Variants in DENND1B observed in about 807,000 individuals in gnomAD.
DENND1B encodes the protein DENN domain containing 1B.
DENND1B carries 59 observed loss-of-function variants against 90.1 expected under a neutral mutation model. The observed-to-expected ratio is 0.65, with a 90% CI of 0.53 to 0.81. DENND1B has a LOEUF of 0.81. DENND1B is among the 40% of genes least tolerant of loss of function. DENND1B has a pLI of 0.00. For missense variants in DENND1B, 862 were observed against 912.6 expected (o/e 0.94, Z 0.71); for synonymous variants, 337 against 324.6 (o/e 1.04, Z -0.41).
chr1:197,515,193 G>T (rs1377932378), intron 20 of DENND1B, among the ~76,000 whole-genome samples: 3 of 151,712 alleles, frequency 2.0e-5, no homozygotes, highest in Non-Finnish European at 3.0e-5. Flanking sequence ...AGGAAGGAAT[G>T]AGTAGTAAAA....
chr1:197,775,146 T>C lies in DENND1B; in HGVS notation c.10A>G (p.Arg4Gly). Residue 4 changes from arginine to glycine, a missense_variant, in exon 1 of 23, where the codon AGG (arginine) becomes GGG (glycine). Transcript: ENST00000620048. Reference protein sequence around the residue: MDCRTKANPDRTFD... With the variant: MDCGTKANPDRTFD... The stretch of plus-strand genomic sequence containing the variant: ...CCGGGCCCCCCCACTCACTTGGTCC[T>C]GCAGTCCATGGTTACATGTCGGTGT... 1 of 1,305,610 alleles carries C rather than the reference T, an allele frequency of 7.7e-7. No individual in the cohort carries two copies. The highest frequency in any genetic ancestry group is 9.8e-7 in the Non-Finnish European group (1 of 1,018,044). The allele number at this position is 1,305,610 out of a possible 1,614,324, so 80.9% of individuals were successfully genotyped here.
At position 197,753,124 on chromosome 1, in the gene DENND1B, AAAAGATAAATGTTAAATT is replaced by A. The variant is rs778137780; in HGVS notation, c.82+19726_82+19743del. Among the ~76,000 whole-genome samples the A allele has an allele frequency of 4.2e-3, 645 of 152,222 alleles. 8 individuals carry two copies. Among genetic ancestry groups the A allele is most frequent in the African/African-American group, 0.015 (619 of 41,446 alleles). On this transcript the variant is annotated intron_variant, in intron 2 of 22. Coordinates refer to ENST00000620048, the MANE Select transcript of DENND1B (RefSeq NM_001195215.2). ...TGAATAAAGAACATAAAACAAAATTAAAAGATAAATGTTAAATTGGAAAAATATCAATATGCGATAAAT... is the reference window on the plus strand; with the variant it reads ...TGAATAAAGAACATAAAACAAAATTAGGAAAAATATCAATATGCGATAAAT...
At position 197,746,855 on chromosome 1, in the gene DENND1B, T is replaced by C. The variant is rs1223153504; in HGVS notation, c.82+26013A>G. 1.9e-5 allele frequency: 31 copies of C among 1,611,952 alleles called. No homozygotes were observed. The Admixed American group carries it at 5.2e-4, about 27-fold the overall frequency. On this transcript the variant is annotated intron_variant, in intron 2 of 22. Coordinates refer to ENST00000620048, the MANE Select transcript of DENND1B (RefSeq NM_001195215.2). ...AGCCTGTGAATTTTCAACCTCCTTT[T>C]TGGCTTTTACAAAGTTGTGGCAGGC...
intron 20 of DENND1B, among the ~76,000 whole-genome samples, chr1:197,536,322 A>G (rs138761600): frequency 1.1e-3 from 160 of 152,288 alleles, no homozygotes; most frequent in African/African-American, 3.8e-3. Context: ...TATCCTTATA[A>G]TAAATGGCTT....
chr1:197,653,101 T>C (rs1410966813), intron 6 of DENND1B, among the ~76,000 whole-genome samples: 2 of 151,996 alleles, frequency 1.3e-5, no homozygotes, highest in Admixed American at 1.3e-4. Flanking sequence ...TCTTATGCCT[T>C]GTCTATCCAC....
chr1:197,747,177 G>A lies in DENND1B; in HGVS notation c.82+25691C>T, dbSNP rs147776864. ...TTTTCCCTCTGAATCTTGAGGTTGCGTTTTTCTGTTCAGAATGTTTTTTAT... is the reference window on the plus strand; with the variant it reads ...TTTTCCCTCTGAATCTTGAGGTTGCATTTTTCTGTTCAGAATGTTTTTTAT... On this transcript the variant is annotated intron_variant, in intron 2 of 22. Coordinates refer to ENST00000620048, the MANE Select transcript of DENND1B (RefSeq NM_001195215.2). 7.3e-4 allele frequency: 543 copies of A among 745,264 alleles called. 2 individuals carry two copies. In the African/African-American group the frequency reaches 7.8e-3, roughly 11 times the overall value. 46.2% of individuals were successfully genotyped at this position (745,264 alleles called of 1,614,324 possible).
chr1:197,539,133 A>G (rs1474803553), intron 20 of DENND1B, among the ~76,000 whole-genome samples: 1 of 152,204 alleles, frequency 6.6e-6, no homozygotes, highest in Non-Finnish European at 1.5e-5. Context: ...GTGCCTGGCT[A>G]TCCAGGAAAG....
chr1:197,538,742 T>C (rs574335947), intron 20 of DENND1B, among the ~76,000 whole-genome samples: 1 of 151,170 alleles, frequency 6.6e-6, no homozygotes, highest in South Asian at 2.1e-4. Flanking sequence ...AAGACTGTTG[T>C]TACGGTTTGA....
intron 14 of DENND1B, among the ~76,000 whole-genome samples, chr1:197,588,621 T>C (rs1437069100): frequency 2.0e-5 from 3 of 152,194 alleles, no homozygotes; most frequent in African/African-American, 4.8e-5. Flanking sequence ...TTGATGGCTA[T>C]TTTAAATTTA....
intron 2 of DENND1B, among the ~76,000 whole-genome samples, chr1:197,731,945 C>T (rs1372080914): frequency 6.6e-6 from 1 of 152,136 alleles, no homozygotes; most frequent in Non-Finnish European, 1.5e-5. Flanking sequence ...CATATATTCA[C>T]TATATCATTA....
chr1:197,528,919 A>G (rs933801321), intron 20 of DENND1B, among the ~76,000 whole-genome samples: 1 of 151,966 alleles, frequency 6.6e-6, no homozygotes, highest in African/African-American at 2.4e-5. Flanking sequence ...CCTCAAAACT[A>G]TTAGTCTGTA....
chr1:197,771,224 A>C (rs2102511296), intron 2 of DENND1B, among the ~76,000 whole-genome samples: 1 of 152,262 alleles, frequency 6.6e-6, no homozygotes, highest in Admixed American at 6.5e-5. Context: ...TACAAGCAAT[A>C]TCAGATGAGC....
chr1:197,752,856 G>C (rs1272553853), intron 2 of DENND1B, among the ~76,000 whole-genome samples: 1 of 151,866 alleles, frequency 6.6e-6, no homozygotes, highest in Non-Finnish European at 1.5e-5. Context: ...TCATTGTTCA[G>C]TTCACTCTAT....
chr1:197,678,018 G>A (rs1371068088), intron 3 of DENND1B, among the ~76,000 whole-genome samples: 1 of 152,126 alleles, frequency 6.6e-6, no homozygotes, highest in Non-Finnish European at 1.5e-5. Flanking sequence ...TATCAGTGAG[G>A]AAACCTCTCC....
intron 15 of DENND1B, among the ~76,000 whole-genome samples, chr1:197,574,352 G>A (rs1341555192): frequency 1.3e-5 from 2 of 152,106 alleles, no homozygotes; most frequent in East Asian, 1.9e-4. Flanking sequence ...TTGCTACAAA[G>A]AGAATAAAAT....
chr1:197,745,637 T>G (rs1242748350), intron 2 of DENND1B, among the ~76,000 whole-genome samples: 1 of 146,078 alleles, frequency 6.8e-6, no homozygotes, highest in African/African-American at 2.5e-5. Context: ...TATATATATA[T>G]ATAATATATA....
In DENND1B at chr1:197,546,785, A is replaced by G; in HGVS notation, c.1241-12T>C. 1 of 1,542,128 alleles carries G rather than the reference A, an allele frequency of 6.5e-7. No homozygotes were observed. The highest frequency in any genetic ancestry group is 8.7e-7 in the Non-Finnish European group (1 of 1,144,490). On this transcript the variant is annotated splice_polypyrimidine_tract_variant and intron_variant, in intron 16 of 22. Coordinates refer to ENST00000620048, the MANE Select transcript of DENND1B (RefSeq NM_001195215.2). ...TGACCTCGGGTTCCCTGGAATATAT[A>G]AAAATGAGATGCCAGGAATGGTTGA...
intron 3 of DENND1B, among the ~76,000 whole-genome samples, chr1:197,696,975 G>T (rs1378272339): frequency 6.6e-6 from 1 of 150,830 alleles, no homozygotes; most frequent in Admixed American, 6.6e-5. Flanking sequence ...TGCCTTGGAG[G>T]CTCAGGAAAG....
At chr1:197,743,381 AT>A (rs1165756959) in intron 2 of DENND1B, among the ~76,000 whole-genome samples, 2 of 124,614 alleles carry the variant, frequency 1.6e-5, no homozygotes, top group Non-Finnish European at 3.3e-5. Context: ...GTGCAATAGC[AT>A]TATGTCTTTA....
Sources: allele counts gnomAD v4.1 joint callset (sites outside exome capture counted in the v4.1 genomes callset), GRCh38; gene constraint gnomAD v4.1.1; transcripts MANE v1.5; gene names NCBI Gene and HGNC (gene_info 2026-07-23, HGNC 2026-07-21).